Variants in DLG2 observed in about 807,000 individuals in gnomAD.
DLG2 encodes disks large homolog 2.
Under a neutral mutation model 132.5 loss-of-function variants are expected in DLG2, and 45 were observed. The ratio of observed to expected loss-of-function variants is 0.34; its 90% CI spans 0.27 to 0.44. DLG2 has a LOEUF of 0.44. Ranked by LOEUF, DLG2 falls within the 20% of genes least tolerant of loss-of-function variation. The pLI, the probability that DLG2 is intolerant of heterozygous loss-of-function variation, is 1.00. For missense variants in DLG2, 1,045 were observed against 1,196.9 expected, an observed-to-expected ratio of 0.87 and a Z score of 1.87; for synonymous variants, 424 against 419.6, an observed-to-expected ratio of 1.01 and a Z score of -0.13.
At chr11:83,518,483 C>A (rs2095371316) in intron 21 of DLG2, among the ~76,000 whole-genome samples, 2 of 152,190 alleles carry the variant, frequency 1.3e-5, no homozygotes, top group Non-Finnish European at 2.9e-5. Flanking sequence ...TGAGGCAATG[C>A]CTCACCCTGC....
intron 6 of DLG2, among the ~76,000 whole-genome samples, chr11:84,945,980 G>A (rs1277620253): frequency 6.6e-6 from 1 of 151,782 alleles, no homozygotes; most frequent in African/African-American, 2.4e-5. Flanking sequence ...TTCGCCCTGT[G>A]GCTGCGAGTG....
intron 4 of DLG2, among the ~76,000 whole-genome samples, chr11:85,209,594 A>ATTTT (rs1180397871): frequency 3.8e-5 from 1 of 26,152 alleles, no homozygotes; most frequent in East Asian, 6.4e-4. Context: ...CACCCAGCTA[A>ATTTT]CTTTTTTTTT....
intron 16 of DLG2, among the ~76,000 whole-genome samples, chr11:83,848,346 G>A (rs1259200962): frequency 6.6e-6 from 1 of 152,060 alleles, no homozygotes; most frequent in African/African-American, 2.4e-5. Flanking sequence ...TAATAAATAG[G>A]TGGTCTTATC....
chr11:84,466,921 G>A (rs558014948), intron 7 of DLG2, among the ~76,000 whole-genome samples: 12 of 151,188 alleles, frequency 7.9e-5, no homozygotes, highest in Non-Finnish European at 1.5e-4. Context: ...AAATATAAAA[G>A]CAAGAAATTT....
intron 6 of DLG2, among the ~76,000 whole-genome samples, chr11:84,794,783 C>G (rs1236366649): frequency 6.6e-6 from 1 of 152,236 alleles, no homozygotes. Flanking sequence ...CAGGGCAGCA[C>G]TGACATGCCA....
chr11:84,720,176 G>C, intron 6 of DLG2: 1 of 800,542 alleles, frequency 1.2e-6, no homozygotes, highest in Non-Finnish European at 1.5e-6. Context: ...CCCAGAAAGA[G>C]CAGAGCAGTC....
At chr11:84,661,469 T>A (rs17735284) in intron 6 of DLG2, among the ~76,000 whole-genome samples, 9,205 of 152,252 alleles carry the variant, frequency 0.06, 355 homozygotes, top group South Asian at 0.12. Context: ...AATGCTCACA[T>A]CTTCAGGGAT....
intron 18 of DLG2, among the ~76,000 whole-genome samples, chr11:83,642,241 G>C (rs932521630): frequency 1.3e-5 from 2 of 152,198 alleles, no homozygotes; most frequent in African/African-American, 2.4e-5. Context: ...AATTGGATGA[G>C]TTAAATGAAG....
chr11:83,889,991 C>T (rs192014928), intron 15 of DLG2, among the ~76,000 whole-genome samples: 7 of 151,212 alleles, frequency 4.6e-5, no homozygotes, highest in Admixed American at 1.3e-4. Flanking sequence ...GGATAGCTTT[C>T]GGAGATATAC....
intron 6 of DLG2, among the ~76,000 whole-genome samples, chr11:85,111,151 A>C (rs1164272559): frequency 6.6e-6 from 1 of 152,104 alleles, no homozygotes; most frequent in Non-Finnish European, 1.5e-5. Flanking sequence ...CTGTAGCACA[A>C]GGATAATGAC....
intron 6 of DLG2, among the ~76,000 whole-genome samples, chr11:84,833,129 T>C (rs2079255809): frequency 6.6e-6 from 1 of 151,624 alleles, no homozygotes; most frequent in Non-Finnish European, 1.5e-5. Context: ...GAAAGCCTTC[T>C]CTATTTAGTG....
chr11:85,356,732 C>A (rs570504875), intron 3 of DLG2, among the ~76,000 whole-genome samples: 21 of 151,976 alleles, frequency 1.4e-4, no homozygotes, highest in Non-Finnish European at 2.4e-4. Context: ...GGAATCATGT[C>A]TACTTTGTTT....
intron 6 of DLG2, among the ~76,000 whole-genome samples, chr11:84,551,374 A>C (rs1388841548): frequency 6.6e-6 from 1 of 152,190 alleles, no homozygotes; most frequent in Non-Finnish European, 1.5e-5. Flanking sequence ...TGTGCTTACT[A>C]TACTCTTAAG....
chr11:84,294,038 T>C (rs893317555), intron 7 of DLG2, among the ~76,000 whole-genome samples: 1 of 152,148 alleles, frequency 6.6e-6, no homozygotes, highest in African/African-American at 2.4e-5. Flanking sequence ...GACTAGGGTA[T>C]AAAGGTTCAT....
chr11:85,603,604 A>C (rs1055527545), intron 2 of DLG2, among the ~76,000 whole-genome samples: 4 of 150,394 alleles, frequency 2.7e-5, no homozygotes, highest in African/African-American at 9.8e-5. Context: ...GTATTACCCT[A>C]GTCGTTTATT....
At chr11:85,461,014 C>T (rs1481477319) in intron 3 of DLG2, among the ~76,000 whole-genome samples, 2 of 152,122 alleles carry the variant, frequency 1.3e-5, no homozygotes, top group Non-Finnish European at 2.9e-5. Context: ...AGAGTAATTT[C>T]TCAAAGAACC....
intron 8 of DLG2, among the ~76,000 whole-genome samples, chr11:84,182,190 ATAAT>A: frequency 6.6e-6 from 1 of 152,324 alleles, no homozygotes; most frequent in South Asian, 2.1e-4. Flanking sequence ...ACACCACAAT[ATAAT>A]TAGACTAGAA....
intron 4 of DLG2, among the ~76,000 whole-genome samples, chr11:85,205,389 T>TA (rs2081811639): frequency 1.3e-5 from 2 of 151,676 alleles, no homozygotes; most frequent in South Asian, 4.2e-4. Context: ...GAGAAGGCTA[T>TA]AAGGGAAAGG....
At chr11:84,751,930 T>C (rs772079434) in intron 6 of DLG2, among the ~76,000 whole-genome samples, 13 of 152,184 alleles carry the variant, frequency 8.5e-5, no homozygotes, top group Non-Finnish European at 1.6e-4. Flanking sequence ...GTAGCTCTCA[T>C]TTACTTTGTT....
Sources: allele counts gnomAD v4.1 joint callset (sites outside exome capture counted in the v4.1 genomes callset), GRCh38; gene constraint gnomAD v4.1.1; transcripts MANE v1.5; gene names NCBI Gene and HGNC (gene_info 2026-07-23, HGNC 2026-07-21).